The following ERO1B variants were observed in gnomAD, a reference collection of about 807,000 sequenced individuals.
ERO1B encodes ERO1-like protein beta.
ERO1B carries 49 observed loss-of-function variants against 75.3 expected under a neutral mutation model. That is an observed-to-expected ratio of 0.65 (90% confidence interval 0.52 to 0.83). The LOEUF is 0.83. Ranked by LOEUF, ERO1B falls within the 40% of genes least tolerant of loss-of-function variation. The pLI, the probability that ERO1B is intolerant of heterozygous loss-of-function variation, is 0.00. For missense variants in ERO1B, 512 were observed against 560.1 expected, an observed-to-expected ratio of 0.91 and a Z score of 0.87; for synonymous variants, 191 against 192.9, an observed-to-expected ratio of 0.99 and a Z score of 0.08.
intron 2 of ERO1B, among the ~76,000 whole-genome samples, chr1:236,262,780 T>C (rs1361370148): frequency 6.6e-6 from 1 of 152,162 alleles, no homozygotes; most frequent in Admixed American, 6.5e-5. Context: ...ACGAGTGGAC[T>C]GTGGTAGACA....
chr1:236,257,261 C>T (rs1440227867), intron 2 of ERO1B, among the ~76,000 whole-genome samples: 1 of 152,200 alleles, frequency 6.6e-6, no homozygotes, highest in African/African-American at 2.4e-5. Flanking sequence ...TCTAACAAGA[C>T]TAGAGAAGGT....
intron 3 of ERO1B, among the ~76,000 whole-genome samples, 175 bp from the exon 4 acceptor site, chr1:236,252,266 C>G (rs1665048158): frequency 1.3e-5 from 2 of 152,060 alleles, no homozygotes; most frequent in South Asian, 4.1e-4. Context: ...AAAGTGTTAT[C>G]CCAATATACA....
chr1:236,236,086 G>A (rs750247283), intron 7 of ERO1B, among the ~76,000 whole-genome samples, 192 bp downstream of exon 7: 26 of 152,160 alleles, frequency 1.7e-4, no homozygotes, highest in East Asian at 9.6e-4. Flanking sequence ...CATCATGCCC[G>A]GCTAATTTTT....
rs761669592 is a variant in ERO1B, at chr1:236,249,870, C to CA, written c.431+14dup. ...AATGAGAATATTTTCTTAATATTAC[C>CA]AAAATAAAACTTGCCTTAATGTGCT... On this transcript the variant is annotated intron_variant, in intron 5 of 15. Coordinates refer to ENST00000354619, the MANE Select transcript of ERO1B (RefSeq NM_019891.4). 18 of 1,540,806 alleles carry CA rather than the reference C, an allele frequency of 1.2e-5. No individual in the cohort carries two copies. The African/African-American group carries it at 1.8e-4, about 15-fold the overall frequency.
At chr1:236,267,700 GAAAC>G (rs940236118) in intron 2 of ERO1B, 2 of 152,202 alleles carry the variant, frequency 1.3e-5, no homozygotes, top group African/African-American at 4.8e-5. Flanking sequence ...TGGTAGAAAA[GAAAC>G]AAGAGAAAGC....
intron 12 of ERO1B, among the ~76,000 whole-genome samples, chr1:236,225,660 C>A (rs1048656869): frequency 3.3e-5 from 5 of 152,158 alleles, no homozygotes; most frequent in Non-Finnish European, 5.9e-5. Flanking sequence ...AGAGGCCAGG[C>A]GCGATGGCCC....
At chr1:236,224,677 T>C (rs1664234749) in intron 13 of ERO1B, among the ~76,000 whole-genome samples, 1 of 152,168 alleles carries the variant, frequency 6.6e-6, no homozygotes, top group Non-Finnish European at 1.5e-5. Flanking sequence ...ACATAATATA[T>C]GTTTCAAAAA....
chr1:236,219,845 A>AC (rs1031598706), intron 15 of ERO1B, among the ~76,000 whole-genome samples: 1 of 151,840 alleles, frequency 6.6e-6, no homozygotes, highest in African/African-American at 2.4e-5. Context: ...ACAAAGTGAG[A>AC]CCCCCATCTC....
chr1:236,281,660 G>A (rs1192404389), intron 1 of ERO1B, 22 bp downstream of exon 1: 3 of 1,398,154 alleles, frequency 2.1e-6, no homozygotes, highest in Non-Finnish European at 2.8e-6. Flanking sequence ...GGGGTTCCCG[G>A]CCCGCTATCA....
chr1:236,249,821 C>A, intron 5 of ERO1B, 64 bp downstream of exon 5: 1 of 1,236,048 alleles, frequency 8.1e-7, no homozygotes, highest in Non-Finnish European at 1.1e-6. Flanking sequence ...TTACCAAAAT[C>A]ATAAAAAATT....
At chr1:236,232,261 G>C (rs1191535857) in intron 9 of ERO1B, among the ~76,000 whole-genome samples, 1 of 152,132 alleles carries the variant, frequency 6.6e-6, no homozygotes. Flanking sequence ...TCAGCTCCTA[G>C]AGGGAAAGCA....
At chr1:236,220,659 C>T (rs1308847683) in intron 15 of ERO1B, 173 bp downstream of exon 15, 1 of 493,930 alleles carries the variant, frequency 2.0e-6, no homozygotes, top group African/African-American at 2.0e-5. Context: ...TTTCCTATGA[C>T]CTGTAGAGAA....
chr1:236,243,579 G>T, intron 5 of ERO1B, 84 bp from the exon 6 acceptor site: 1 of 827,418 alleles, frequency 1.2e-6, no homozygotes. Context: ...AATTAAAATA[G>T]ATAATCTGAG....
intron 2 of ERO1B, among the ~76,000 whole-genome samples, chr1:236,259,656 T>G (rs1004722734): frequency 6.6e-6 from 1 of 152,056 alleles, no homozygotes; most frequent in Non-Finnish European, 1.5e-5. Flanking sequence ...TCATTTAAAA[T>G]GATAAGGGGG....
chr1:236,279,504 C>CAAAAAAAAAAAAAAAA (rs57596875), intron 1 of ERO1B, among the ~76,000 whole-genome samples: 6 of 78,524 alleles, frequency 7.6e-5, no homozygotes, highest in Non-Finnish European at 1.2e-4. Flanking sequence ...GACTCCATCT[C>CAAAAAAAAAAAAAAAA]AAAAAAAAAA....
At chr1:236,273,603 T>C (rs565730718) in intron 1 of ERO1B, among the ~76,000 whole-genome samples, 52 of 152,086 alleles carry the variant, frequency 3.4e-4, no homozygotes, top group South Asian at 1.7e-3. Flanking sequence ...CACAGGAGAA[T>C]TGAGTCCAGC....
At position 236,252,013 on chromosome 1, in the gene ERO1B, G is replaced by A. The variant is rs536097712; in HGVS notation, c.348+37C>T. On this transcript the variant is annotated intron_variant, in intron 4 of 15. Coordinates refer to ENST00000354619, the MANE Select transcript of ERO1B (RefSeq NM_019891.4). ...GTCAGTAAATGGTAAGTTTCACAAT[G>A]TAAAGCAGAAACACTCAAGGAAGAG... 8.3e-6 allele frequency: 12 copies of A among 1,450,916 alleles called. No individual in the cohort carries two copies. The South Asian group carries it at 1.2e-4, about 14-fold the overall frequency. The allele number at this position is 1,450,916 out of a possible 1,614,324, so 89.9% of individuals were successfully genotyped here.
chr1:236,223,310 G>C (rs761192446), intron 13 of ERO1B, among the ~76,000 whole-genome samples: 1 of 151,980 alleles, frequency 6.6e-6, no homozygotes, highest in African/African-American at 2.4e-5. Context: ...CTTTATCTGC[G>C]GATAAGATTG....
chr1:236,236,795 C>T (rs1006245870), intron 6 of ERO1B, among the ~76,000 whole-genome samples: 6 of 152,176 alleles, frequency 3.9e-5, no homozygotes, highest in Admixed American at 6.5e-5. Context: ...CACCTAACCA[C>T]GCACTTGGAA....
Sources: gnomAD v4.1 joint callset for allele counts (sites outside exome capture counted in the v4.1 genomes callset) on GRCh38, gnomAD v4.1.1 for gene constraint, MANE v1.5 for transcripts, NCBI Gene and HGNC (gene_info 2026-07-23, HGNC 2026-07-21) for gene names.